INSR: variants seen among roughly 807,000 people sequenced by gnomAD.
INSR encodes the protein IR.
A neutral mutation model predicts 142.6 loss-of-function variants in INSR; 67 were observed. That is an observed-to-expected ratio of 0.47 (90% CI 0.39 to 0.58). The LOEUF is 0.58. Ranked by LOEUF, INSR falls within the 20% of genes least tolerant of loss-of-function variation. The probability of loss-of-function intolerance (pLI) is 0.00; values close to 1 mark genes in which losing one functional copy is unlikely to be tolerated. For missense variants in INSR, 1,248 were observed against 1,833.2 expected (o/e 0.68, Z 5.83); for synonymous variants, 756 against 743.1 (o/e 1.02, Z -0.28).
rs79930847 is a variant in INSR at position 7,192,658 on chromosome 19, C to T, written c.653-8021G>A. ...GGGCTGTCACTCCCTCACACCTGCA[C>T]ACAAGTGCTGCTGTGTATGTAGGGA... On this transcript the variant is annotated intron_variant, in intron 2 of 21. Coordinates refer to ENST00000302850, the MANE Select transcript of INSR (RefSeq NM_000208.4). This position sits in a 1 kb window ranked among gnomAD's most constrained non-coding sequence, Gnocchi z 4.2. 1.7e-3 allele frequency among the ~76,000 whole-genome samples: 266 copies of T among 152,330 alleles called. 1 individual carries two copies. The highest frequency in any genetic ancestry group is 5.8e-3 in the East Asian group (30 of 5,186).
chr19:7,145,213 TC>T (rs11314337), intron 11 of INSR, among the ~76,000 whole-genome samples: 7,147 of 152,178 alleles, frequency 0.047, 499 homozygotes, highest in African/African-American at 0.15. Context: ...TACAACTTAC[TC>T]TTTTCCATTT....
At position 7,267,895 on chromosome 19, in the gene INSR, C is replaced by T. The variant is rs1315864925; in HGVS notation, c.102G>A (p.Val34=). 2 of 1,612,748 alleles carry T rather than the reference C, an allele frequency of 1.2e-6. No individual in the cohort carries two copies. The highest frequency in any genetic ancestry group is 2.7e-5 in the African/African-American group (2 of 74,884). The change falls in exon 2 of 22, where the codon GTG becomes GTA. Residue 34 remains valine (V), a splice_region_variant and synonymous_variant. Transcript: ENST00000302850. The surrounding 1 kb of genome is among the most constrained non-coding windows in gnomAD (Gnocchi z 6.3). Reference sequence around the variant, plus strand: ...TGTTCCGGATATCCATGCCGGGACACACTACAAGAGAAAATGAACAGAAAG... The same window carrying T: ...TGTTCCGGATATCCATGCCGGGACATACTACAAGAGAAAATGAACAGAAAG... ...GAAGHLYPGE[V]CPGMDIRNNL... is the part of the protein sequence containing the mutation.
intron 10 of INSR, chr19:7,151,951 C>G (rs1304532124): frequency 6.6e-6 from 1 of 151,764 alleles, no homozygotes; most frequent in Non-Finnish European, 1.5e-5. Context: ...CATTACCATG[C>G]CTGACTAATT....
chr19:7,231,095 T>C (rs535392039), intron 2 of INSR, among the ~76,000 whole-genome samples: 32 of 152,274 alleles, frequency 2.1e-4, no homozygotes, highest in Admixed American at 1.8e-3. Context: ...AGCTCGCTGA[T>C]TTCCAGAAAC....
chr19:7,191,619 A>G (rs753329749), intron 2 of INSR, among the ~76,000 whole-genome samples: 23 of 152,096 alleles, frequency 1.5e-4, no homozygotes, highest in Non-Finnish European at 2.8e-4. Flanking sequence ...CCAGTAGTTC[A>G]AGACTAGCCT....
chr19:7,183,879 C>T (rs191240718), intron 3 of INSR, among the ~76,000 whole-genome samples: 16 of 151,746 alleles, frequency 1.1e-4, no homozygotes, highest in Non-Finnish European at 1.6e-4. Context: ...ACCAACATGG[C>T]GAAACCCTGT....
intron 9 of INSR, among the ~76,000 whole-genome samples, chr19:7,160,834 C>G (rs1325813787): frequency 1.3e-5 from 2 of 151,490 alleles, no homozygotes; most frequent in Non-Finnish European, 2.9e-5. Context: ...CCCGTCTCTA[C>G]TAAAAATACA....
chr19:7,250,695 G>GAA (rs147997544), intron 2 of INSR, among the ~76,000 whole-genome samples: 5 of 151,556 alleles, frequency 3.3e-5, no homozygotes, highest in South Asian at 4.2e-4. Flanking sequence ...AAAAGAAAAA[G>GAA]AAAAAAAATC....
At chr19:7,207,342 G>A (rs902411048) in intron 2 of INSR, among the ~76,000 whole-genome samples, 17 of 149,250 alleles carry the variant, frequency 1.1e-4, no homozygotes, top group East Asian at 2.1e-4. Flanking sequence ...GCTTGAACCC[G>A]GGAGGCAGAG....
At chr19:7,293,534 C>T (rs1357214981) in intron 1 of INSR, among the ~76,000 whole-genome samples, 3 of 152,136 alleles carry the variant, frequency 2.0e-5, no homozygotes. Context: ...GAGGAGCCCG[C>T]GGCGGGGCGG....
rs546932864 is a variant in INSR at position 7,119,370 on chromosome 19, G to A, written c.3794+79C>T. Reference sequence around the variant, plus strand: ...ACGGTGAGCGTGTAGACATAGGAAAGGCAAAACCAAGCACACGTGTAAAGG... The same window carrying A: ...ACGGTGAGCGTGTAGACATAGGAAAAGCAAAACCAAGCACACGTGTAAAGG... On this transcript the variant is annotated intron_variant, in intron 21 of 21. Transcript: ENST00000302850. The surrounding 1 kb of genome is among the most constrained non-coding windows in gnomAD (Gnocchi z 5.2). 28 of 1,561,780 alleles carry A rather than the reference G, an allele frequency of 1.8e-5. No homozygotes were observed. The East Asian group carries it at 6.1e-4, about 34-fold the overall frequency.
intron 12 of INSR, among the ~76,000 whole-genome samples, chr19:7,142,414 G>A (rs1051311862): frequency 9.5e-6 from 1 of 105,536 alleles, no homozygotes; most frequent in Admixed American, 9.7e-5. Context: ...AAAAAAAAAA[G>A]GCCAGGTTCG....
Position 7,267,427 on chromosome 19 carries a change from C to A in INSR, c.570G>T (p.Ala190=). Reference sequence around the variant, plus strand: ...TGGCGGGGCAGTTGGTCTTGCCCTTCGCGGTACCCGGACAGATGTCTCCAC... The same window carrying A: ...TGGCGGGGCAGTTGGTCTTGCCCTTAGCGGTACCCGGACAGATGTCTCCAC... ...EECGDICPGT[A]KGKTNCPATV... is the part of the protein sequence containing the mutation. The change falls in exon 2 of 22, where the codon GCG becomes GCT. Residue 190 remains alanine, a synonymous_variant. Transcript: ENST00000302850. The surrounding 1 kb of genome is among the most constrained non-coding windows in gnomAD (Gnocchi z 6.3). 6.2e-7 allele frequency: 1 copy of A among 1,614,128 alleles called. No individual in the cohort carries two copies. Among genetic ancestry groups the A allele is most frequent in the East Asian group, 2.2e-5 (1 of 44,882 alleles).
Position 7,153,013 on chromosome 19 carries a change from CCA to C in INSR, c.2030-88_2030-87del, listed in dbSNP as rs376413835. 42 of 544,896 alleles carry C rather than the reference CCA, an allele frequency of 7.7e-5. 1 individual carries two copies. The highest frequency in any genetic ancestry group is 4.7e-4 in the Middle Eastern group (1 of 2,134). The allele number at this position is 544,896 out of a possible 1,614,324, so 33.8% of individuals were successfully genotyped here. ...CACACACACCCCACACACACACACACCACACACACACACCACACACACACACA... is the reference window on the plus strand; with the variant it reads ...CACACACACCCCACACACACACACACCACACACACACCACACACACACACA... On this transcript the variant is annotated intron_variant, in intron 9 of 21. Coordinates refer to ENST00000302850, the MANE Select transcript of INSR (RefSeq NM_000208.4).
chr19:7,178,098 C>A (rs112119525), intron 3 of INSR, among the ~76,000 whole-genome samples: 1 of 151,956 alleles, frequency 6.6e-6, no homozygotes, highest in African/African-American at 2.4e-5. Context: ...TTCAACTCTT[C>A]AGAGTGATTT....
chr19:7,288,066 A>G (rs1221246254), intron 1 of INSR, among the ~76,000 whole-genome samples: 2 of 152,140 alleles, frequency 1.3e-5, no homozygotes, highest in Non-Finnish European at 2.9e-5. Context: ...GAATCTATGT[A>G]AATTTCTTAG....
chr19:7,277,303 A>C (rs1968089427), intron 1 of INSR, among the ~76,000 whole-genome samples: 2 of 151,870 alleles, frequency 1.3e-5, no homozygotes, highest in Admixed American at 1.3e-4. Flanking sequence ...GGACCCGGCA[A>C]GTCAGCTACA....
chr19:7,214,213 C>A (rs1351615078), intron 2 of INSR, among the ~76,000 whole-genome samples: 1 of 152,118 alleles, frequency 6.6e-6, no homozygotes, highest in Non-Finnish European at 1.5e-5. Flanking sequence ...GAGACATTTT[C>A]CCCAGAGGGA....
chr19:7,124,819 G>A (rs1391359906), intron 17 of INSR, among the ~76,000 whole-genome samples: 1 of 150,488 alleles, frequency 6.6e-6, no homozygotes. Flanking sequence ...AGAAAGGCAG[G>A]AAGAGTTGGT....
Sources: allele counts gnomAD v4.1 joint callset (sites outside exome capture counted in the v4.1 genomes callset), GRCh38; gene constraint gnomAD v4.1.1; non-coding constraint Gnocchi (gnomAD v3.1); transcripts MANE v1.5; gene names NCBI Gene and HGNC (gene_info 2026-07-23, HGNC 2026-07-21).